The following MPP4 variants were observed in gnomAD, a reference collection of about 807,000 sequenced individuals.
MPP4 encodes the protein MAGUK p55 scaffold protein 4, also known as MAGUK p55 subfamily member 4.
In MPP4, 91 loss-of-function variants were observed where a neutral mutation model predicts 98.3. The ratio of observed to expected loss-of-function variants is 0.93; its 90% CI spans 0.78 to 1.10. MPP4 has a LOEUF of 1.10. Ranked by LOEUF, MPP4 falls within the 50% of genes least tolerant of loss-of-function variation. The probability of loss-of-function intolerance (pLI) is 0.00; values close to 1 mark genes in which losing one functional copy is unlikely to be tolerated. For missense variants in MPP4, 744 were observed against 792.9 expected, an observed-to-expected ratio of 0.94 and a Z score of 0.74; for synonymous variants, 261 against 271.8, an observed-to-expected ratio of 0.96 and a Z score of 0.39.
At chr2:201,657,535 C>T (rs1471976079) in intron 16 of MPP4, among the ~76,000 whole-genome samples, 1 of 148,936 alleles carries the variant, frequency 6.7e-6, no homozygotes, top group Admixed American at 6.9e-5. Flanking sequence ...TCATTCTAGA[C>T]TTCCCCTTTC....
At position 201,664,114 on chromosome 2, in the gene MPP4, A is replaced by G. The variant is rs1221057599; in HGVS notation, c.1052-13T>C. The G allele has an allele frequency of 6.6e-7, 1 of 1,507,258 alleles. No individual in the cohort carries two copies. The highest frequency in any genetic ancestry group is 9.0e-7 in the Non-Finnish European group (1 of 1,112,046). 93.4% of individuals were successfully genotyped at this position (1,507,258 alleles called of 1,614,324 possible). On this transcript the variant is annotated splice_polypyrimidine_tract_variant and intron_variant, in intron 13 of 21. Transcript: ENST00000409474. ...AATGTTTCTTCATCTATGATTTTTCATGGAGGCAAAAATCAAAAATGTTAT... is the reference window on the plus strand; with the variant it reads ...AATGTTTCTTCATCTATGATTTTTCGTGGAGGCAAAAATCAAAAATGTTAT...
At chr2:201,698,072 G>C in intron 1 of MPP4, 2 of 988,476 alleles carry the variant, frequency 2.0e-6, no homozygotes, top group Non-Finnish European at 2.4e-6. Context: ...ACACAGAAAG[G>C]ATAGCCAGTT....
intron 18 of MPP4, chr2:201,651,972 G>GA (rs1392902042): frequency 0.098 from 38,022 of 388,118 alleles, 3 homozygotes; most frequent in Non-Finnish European, 0.1. Context: ...AAAACAAACA[G>GA]AAAAAAAAAA....
intron 10 of MPP4, among the ~76,000 whole-genome samples, chr2:201,678,325 C>T (rs1453979160): frequency 6.6e-6 from 1 of 152,126 alleles, no homozygotes; most frequent in African/African-American, 2.4e-5. Context: ...CACCCCTTAT[C>T]CCCTGTGCTT....
chr2:201,692,963 C>A lies in MPP4; in HGVS notation c.146G>T (p.Gly49Val), dbSNP rs188975951. Residue 49 changes from glycine (G) to valine (V), a missense_variant, in exon 3 of 22, where the codon GGA becomes GTA. Coordinates refer to ENST00000409474, the MANE Select transcript of MPP4 (RefSeq NM_033066.3). ...GAGGAGATCGTACAAGAGACACACT[C>A]CATTCACATCTCTGCCGTAGAACAG... ...LSLFYGRDVN[G>V]VCLLYDLLHS... is the part of the protein sequence containing the mutation. 581 of 1,612,836 alleles carry A rather than the reference C, an allele frequency of 3.6e-4. 2 individuals carry two copies. Among genetic ancestry groups the A allele is most frequent in the Non-Finnish European group, 4.6e-5 (54 of 1,179,462 alleles).
intron 15 of MPP4, among the ~76,000 whole-genome samples, chr2:201,658,724 A>AG (rs550932391): frequency 3.0e-4 from 45 of 152,340 alleles, no homozygotes; most frequent in African/African-American, 9.9e-4. Context: ...CGCACTTCAC[A>AG]GAATTTGAGC....
Position 201,645,134 on chromosome 2 carries a change from CTGT to C in MPP4, c.*73_*75del, listed in dbSNP as rs1353426969. 6.2e-5 allele frequency: 79 copies of C among 1,281,762 alleles called. No individual in the cohort carries two copies. The highest frequency in any genetic ancestry group is 7.9e-5 in the Non-Finnish European group (75 of 947,830). The allele number at this position is 1,281,762 out of a possible 1,614,324, so 79.4% of individuals were successfully genotyped here. On this transcript the variant is annotated 3_prime_UTR_variant, in exon 22 of 22. Transcript: ENST00000409474. ...TGTACACATTAAAATGGGTCAAATA[CTGT>C]TGTTTTAGATTGCAACTATGGATCG...
At chr2:201,648,811 A>T (rs1479483718) in intron 20 of MPP4, among the ~76,000 whole-genome samples, 1 of 152,210 alleles carries the variant, frequency 6.6e-6, no homozygotes, top group Non-Finnish European at 1.5e-5. Flanking sequence ...TAATCCCAGC[A>T]CTTTGGGAGG....
In MPP4 at chr2:201,649,630, A is replaced by G. The variant is rs923778060; in HGVS notation, c.1530T>C (p.Ala510=). 2.5e-6 allele frequency: 4 copies of G among 1,611,080 alleles called. No homozygotes were observed. Among genetic ancestry groups the G allele is most frequent in the Non-Finnish European group, 3.4e-6 (4 of 1,178,746 alleles). ...KGHLYGTSVD[A]VQTVLVEGKI... is the part of the protein sequence containing the mutation. Reference sequence around the variant, plus strand: ...TTCCTTCGACAAGGACTGTTTGAACAGCATCCACACTAGTGCCATACAGGT... The same window carrying G: ...TTCCTTCGACAAGGACTGTTTGAACGGCATCCACACTAGTGCCATACAGGT... The change falls in exon 20 of 22, where the codon GCT becomes GCC. Residue 510 remains alanine (A), a synonymous_variant. Transcript: ENST00000409474.
chr2:201,670,607 C>G (rs569905549), intron 11 of MPP4, among the ~76,000 whole-genome samples: 16 of 152,222 alleles, frequency 1.1e-4, no homozygotes, highest in African/African-American at 3.9e-4. Flanking sequence ...AGGTAATTAT[C>G]AGATGCTGAT....
chr2:201,659,417 C>A lies in MPP4; in HGVS notation c.1088-899G>T, dbSNP rs369871418. ...AAGCATCTAGAGATAGTTCAAACTC[C>A]TGTTTCTCCTTTCATTGAGATCTCA... On this transcript the variant is annotated intron_variant, in intron 15 of 21. Transcript: ENST00000409474. Among the ~76,000 whole-genome samples the A allele has an allele frequency of 5.9e-5, 9 of 152,288 alleles. No homozygotes were observed. In the East Asian group the frequency reaches 1.3e-3, roughly 23 times the overall value.
chr2:201,663,389 A>G (rs1257193762), intron 14 of MPP4, among the ~76,000 whole-genome samples: 1 of 152,202 alleles, frequency 6.6e-6, no homozygotes, highest in African/African-American at 2.4e-5. Flanking sequence ...AGTACTGGCT[A>G]AGGTAAAATC....
chr2:201,686,513 T>A (rs952740876), intron 5 of MPP4, among the ~76,000 whole-genome samples: 1 of 152,060 alleles, frequency 6.6e-6, no homozygotes, highest in African/African-American at 2.4e-5. Flanking sequence ...GAATGAGGAG[T>A]TCATATGATC....
intron 1 of MPP4, among the ~76,000 whole-genome samples, chr2:201,696,011 A>G (rs1051827110): frequency 2.0e-5 from 3 of 152,198 alleles, no homozygotes; most frequent in Non-Finnish European, 4.4e-5. Flanking sequence ...ATCTAGACTG[A>G]TTGTGGGTTG....
Position 201,698,570 on chromosome 2 carries a change from T to G in MPP4, c.-101+17A>C. 7.7e-7 allele frequency: 1 copy of G among 1,303,328 alleles called. No individual in the cohort carries two copies. The highest frequency in any genetic ancestry group is 1.0e-6 in the Non-Finnish European group (1 of 988,598). The allele number at this position is 1,303,328 out of a possible 1,614,324, so 80.7% of individuals were successfully genotyped here. A position where few individuals can be genotyped will look rare whatever the true frequency, so the allele number is the denominator to read the frequency against. ...ACATCTTCTGGTAACTGAGGATTAT[T>G]TGCCAAGGTCTCTTACCTGCAAGAC... On this transcript the variant is annotated intron_variant, in intron 1 of 21. Transcript: ENST00000409474.
chr2:201,650,311 G>C, intron 18 of MPP4, 146 bp from the exon 19 acceptor site: 2 of 1,408,884 alleles, frequency 1.4e-6, no homozygotes, highest in Non-Finnish European at 1.8e-6. Flanking sequence ...GAAGAAGCCT[G>C]AATTGGTGAT....
Position 201,693,958 on chromosome 2 carries a change from C to T in MPP4, c.-4G>A, listed in dbSNP as rs376039962. ...CTCCTTTGTCTGACTGTATCATCCTCCCTGCCGGAGCTTCTGAAAGGAATT... is the reference window on the plus strand; with the variant it reads ...CTCCTTTGTCTGACTGTATCATCCTTCCTGCCGGAGCTTCTGAAAGGAATT... On this transcript the variant is annotated 5_prime_UTR_variant, in exon 2 of 22. Coordinates refer to ENST00000409474, the MANE Select transcript of MPP4 (RefSeq NM_033066.3). The T allele has an allele frequency of 2.3e-5, 37 of 1,613,832 alleles. No individual in the cohort carries two copies. The highest frequency in any genetic ancestry group is 3.3e-5 in the Admixed American group (2 of 59,992).
At chr2:201,658,386 A>G (rs1687919639) in intron 16 of MPP4, 91 bp downstream of exon 16, 2 of 1,086,628 alleles carry the variant, frequency 1.8e-6, no homozygotes, top group Non-Finnish European at 2.7e-6. Flanking sequence ...GGAAATGTTC[A>G]TTAGCAAAAG....
At chr2:201,645,517 G>T (rs990962072) in intron 21 of MPP4, 113 bp from the exon 22 acceptor site, 5 of 859,746 alleles carry the variant, frequency 5.8e-6, no homozygotes, top group Middle Eastern at 3.3e-4. Context: ...AAAACAGTAA[G>T]GTCCGAAAAT....
Sources: gnomAD v4.1 joint callset for allele counts (sites outside exome capture counted in the v4.1 genomes callset) on GRCh38, gnomAD v4.1.1 for gene constraint, MANE v1.5 for transcripts, NCBI Gene and HGNC (gene_info 2026-07-23, HGNC 2026-07-21) for gene names.